Variants in IQCC observed in about 807,000 individuals in gnomAD.
The protein encoded by IQCC is IQ domain-containing protein C.
A neutral mutation model predicts 27.0 loss-of-function variants in IQCC; 23 were observed. The ratio of observed to expected loss-of-function variants is 0.85; its 90% CI spans 0.61 to 1.21. The LOEUF (loss-of-function observed/expected upper bound fraction) is 1.21. Ranked by LOEUF, IQCC falls within the 50% of genes most tolerant of loss-of-function variation. IQCC has a pLI of 0.00. For missense variants in IQCC, 552 were observed against 562.3 expected (o/e 0.98, Z 0.19); for synonymous variants, 220 against 217.2 (o/e 1.01, Z -0.11).
At position 32,206,318 on chromosome 1, in the gene IQCC, A is replaced by C. The variant is rs193091356; in HGVS notation, c.186+21A>C. On this transcript the variant is annotated intron_variant, in intron 2 of 4. Coordinates refer to ENST00000291358, the MANE Select transcript of IQCC (RefSeq NM_018134.3). Reference sequence around the variant, plus strand: ...CAGAGGTAGAACACACCTAGGAGAGAAGGGAAGGAGGGACTTGGGCAGGGT... The same window carrying C: ...CAGAGGTAGAACACACCTAGGAGAGCAGGGAAGGAGGGACTTGGGCAGGGT... 1.2e-4 allele frequency: 189 copies of C among 1,612,150 alleles called. 1 individual carries two copies. The African/African-American group carries it at 2.1e-3, about 18-fold the overall frequency.
intron 3 of IQCC, 21 bp downstream of exon 3, chr1:32,206,782 G>A (rs1643355631): frequency 6.2e-7 from 1 of 1,611,886 alleles, no homozygotes; most frequent in Non-Finnish European, 8.5e-7. Flanking sequence ...GCAAAGATCA[G>A]GGCAAGCCCC....
rs117971828 is a variant in IQCC at position 32,206,119 on chromosome 1, A to G, written c.43-35A>G. On this transcript the variant is annotated intron_variant, in intron 1 of 4. Coordinates refer to ENST00000291358, the MANE Select transcript of IQCC (RefSeq NM_018134.3). ...CCGAGATGCCCCCTCTCTTACCGTGATAAGGGACTTCTTTCCTCTCGTTCT... is the reference window on the plus strand; with the variant it reads ...CCGAGATGCCCCCTCTCTTACCGTGGTAAGGGACTTCTTTCCTCTCGTTCT... The G allele has an allele frequency of 1.4e-4, 222 of 1,613,690 alleles. 3 individuals carry two copies. The East Asian group carries it at 4.5e-3, about 33-fold the overall frequency.
In IQCC at chr1:32,207,975, A is replaced by G. The variant is rs1417192774; in HGVS notation, c.1294A>G (p.Ile432Val). The part of the protein sequence containing the change: ...SHEGQKKQRT[I>V]PWRSKSPEIL... ...TGAAGGACAGAAAAAGCAGAGGACT[A>G]TACCATGGAGATCAAAGTCACCTGA... The change falls in exon 5 of 5, where the codon ATA (isoleucine) becomes GTA (valine). Residue 432 changes from isoleucine to valine, a missense_variant. Ile to Val is a conservative substitution (Grantham distance 29). Coordinates refer to ENST00000291358, the MANE Select transcript of IQCC (RefSeq NM_018134.3). 2 of 1,614,226 alleles carry G rather than the reference A, an allele frequency of 1.2e-6. No individual in the cohort carries two copies. The highest frequency in any genetic ancestry group is 1.7e-6 in the Non-Finnish European group (2 of 1,180,034).
chr1:32,207,126 A>G lies in IQCC; in HGVS notation c.558+6A>G, dbSNP rs1395377387. On this transcript the variant is annotated splice_donor_region_variant and intron_variant, in intron 4 of 4. Coordinates refer to ENST00000291358, the MANE Select transcript of IQCC (RefSeq NM_018134.3). The stretch of plus-strand genomic sequence containing the variant: ...CCATCAATAGCCGTAAGGAGGTAAC[A>G]CTAACCTGGAACTCTTTCTGAACAT... 6.2e-6 allele frequency: 10 copies of G among 1,601,486 alleles called. No individual in the cohort carries two copies. The highest frequency in any genetic ancestry group is 3.3e-5 in the South Asian group (3 of 89,882).
At position 32,207,793 on chromosome 1, in the gene IQCC, C is replaced by T. The variant is rs148578210; in HGVS notation, c.1112C>T (p.Thr371Ile). The T allele has an allele frequency of 2.0e-5, 32 of 1,614,032 alleles. No homozygotes were observed. In the African/African-American group the frequency reaches 3.7e-4, roughly 19 times the overall value. The part of the protein sequence containing the change: ...HKEPDCRTVR[T>I]QELGLSEDHI... ...GAGCCTGACTGCCGAACAGTCAGGA[C>T]ACAAGAGTTGGGCCTCTCAGAGGAC... The change falls in exon 5 of 5, where the codon ACA (threonine) becomes ATA (isoleucine). Residue 371 changes from threonine (T) to isoleucine (I), a missense_variant. Physicochemically the swap from Thr to Ile is moderately conservative, Grantham distance 89 (BLOSUM62 -1). Coordinates refer to ENST00000291358, the MANE Select transcript of IQCC (RefSeq NM_018134.3).
chr1:32,205,878 G>C lies in IQCC; in HGVS notation c.42+155G>C. On this transcript the variant is annotated intron_variant, in intron 1 of 4. Coordinates refer to ENST00000291358, the MANE Select transcript of IQCC (RefSeq NM_018134.3). The surrounding 1 kb of genome is among the most constrained non-coding windows in gnomAD (Gnocchi z 5.6). ...GCTGTCCCCAACCGCGCTGAGGAAA[G>C]CTGGGACCCACGGACTCCCTGCCCT... 1 of 1,552,104 alleles carries C rather than the reference G, an allele frequency of 6.4e-7. No homozygotes were observed. The highest frequency in any genetic ancestry group is 8.7e-7 in the Non-Finnish European group (1 of 1,147,486).
At chr1:32,206,806 G>C (rs1254001820) in intron 3 of IQCC, 45 bp downstream of exon 3, 1 of 1,599,262 alleles carries the variant, frequency 6.3e-7, no homozygotes, top group South Asian at 1.1e-5. Context: ...CCCTCACTGT[G>C]CCTCAGCCTC....
rs1383384322 is a variant in IQCC at position 32,206,275 on chromosome 1, C to G, written c.164C>G (p.Pro55Arg). ...CTTCAGTGGACCGAGGGCCGCATTCCCAGGCCGCGATTCCTCCCAGAGGTA... is the reference window on the plus strand; with the variant it reads ...CTTCAGTGGACCGAGGGCCGCATTCGCAGGCCGCGATTCCTCCCAGAGGTA... ...GTLQWTEGRI[P>R]RPRFLPEKAK... Residue 55 changes from proline to arginine, a missense_variant, in exon 2 of 5, where the codon CCC becomes CGC. Physicochemically the swap from Pro to Arg is moderately radical, Grantham distance 103 (BLOSUM62 -2). Coordinates refer to ENST00000291358, the MANE Select transcript of IQCC (RefSeq NM_018134.3). 1.2e-6 allele frequency: 2 copies of G among 1,614,164 alleles called. No individual in the cohort carries two copies. Among genetic ancestry groups the G allele is most frequent in the South Asian group, 1.1e-5 (1 of 91,084 alleles).
In IQCC at chr1:32,207,413, G is replaced by A. The variant is rs1643393577; in HGVS notation, c.732G>A (p.Glu244=). The change falls in exon 5 of 5, where the codon GAG becomes GAA. Residue 244 remains glutamate, a synonymous_variant. Transcript: ENST00000291358. ...GGACCACTGGAGAGCTAGAACAGGAGGATGACTCCTGTCACAGGGTCAAAT... is the reference window on the plus strand; with the variant it reads ...GGACCACTGGAGAGCTAGAACAGGAAGATGACTCCTGTCACAGGGTCAAAT... ...RDRTTGELEQ[E]DDSCHRVKSP... 3.7e-6 allele frequency: 6 copies of A among 1,613,976 alleles called. No homozygotes were observed. In the East Asian group the frequency reaches 6.7e-5, roughly 18 times the overall value.
At position 32,205,736 on chromosome 1, in the gene IQCC, G is replaced by C; in HGVS notation, c.42+13G>C. 1 of 1,611,900 alleles carries C rather than the reference G, an allele frequency of 6.2e-7. No homozygotes were observed. Among genetic ancestry groups the C allele is most frequent in the Non-Finnish European group, 8.5e-7 (1 of 1,179,646 alleles). On this transcript the variant is annotated intron_variant, in intron 1 of 4. Coordinates refer to ENST00000291358, the MANE Select transcript of IQCC (RefSeq NM_018134.3). The surrounding 1 kb of genome is among the most constrained non-coding windows in gnomAD (Gnocchi z 5.6). ...GTCTGCATTGCAGGTGCGGGGGCGGGCGCGGGGTTCACAGGATTTTTCCTT... is the reference window on the plus strand; with the variant it reads ...GTCTGCATTGCAGGTGCGGGGGCGGCCGCGGGGTTCACAGGATTTTTCCTT...
At position 32,206,757 on chromosome 1, in the gene IQCC, T is replaced by G; in HGVS notation, c.435T>G (p.Asn145Lys). ...CCAGAGACACGACAAGGATGGAGAA[T>G]CCAGGTACCTCTCTGCAAAGATCAG... is the stretch of plus-strand genomic sequence containing the variant. ...EKTRDTTRME[N>K]PEATDQRLPH... is the part of the protein sequence containing the mutation. The change falls in exon 3 of 5, where the codon AAT becomes AAG. Residue 145 changes from asparagine to lysine, a missense_variant. Transcript: ENST00000291358. 2 of 1,613,898 alleles carry G rather than the reference T, an allele frequency of 1.2e-6. No individual in the cohort carries two copies. Among genetic ancestry groups the G allele is most frequent in the Non-Finnish European group, 1.7e-6 (2 of 1,179,950 alleles).
At position 32,208,244 on chromosome 1, in the gene IQCC, A is replaced by G. The variant is rs1643441689; in HGVS notation, c.*162A>G. Reference sequence around the variant, plus strand: ...AGAGAAGCTGGAGCAGAGAGCTGGCATGAGTATAGGGAAGGAGGAAGGACA... The same window carrying G: ...AGAGAAGCTGGAGCAGAGAGCTGGCGTGAGTATAGGGAAGGAGGAAGGACA... On this transcript the variant is annotated 3_prime_UTR_variant, in exon 5 of 5. Transcript: ENST00000291358. 1 of 724,794 alleles carries G rather than the reference A, an allele frequency of 1.4e-6. No individual in the cohort carries two copies. The allele number at this position is 724,794 out of a possible 1,614,324, so 44.9% of individuals were successfully genotyped here.
Position 32,206,742 on chromosome 1 carries a change from G to A in IQCC, c.420G>A (p.Thr140=), listed in dbSNP as rs192960213. The A allele has an allele frequency of 1.8e-5, 29 of 1,614,098 alleles. No individual in the cohort carries two copies. In the Admixed American group the frequency reaches 2.8e-4, roughly 16 times the overall value. ...RKPSQEKTRD[T]TRMENPEATD... is the part of the protein sequence containing the mutation. ...CCAGCCAAGAGAAGACCAGAGACAC[G>A]ACAAGGATGGAGAATCCAGGTACCT... is the stretch of plus-strand genomic sequence containing the variant. Residue 140 remains threonine, a synonymous_variant, in exon 3 of 5, where the codon ACG becomes ACA. Coordinates refer to ENST00000291358, the MANE Select transcript of IQCC (RefSeq NM_018134.3).
chr1:32,206,241 C>T lies in IQCC; in HGVS notation c.130C>T (p.Leu44=), dbSNP rs766752116. 2.5e-6 allele frequency: 4 copies of T among 1,614,192 alleles called. No homozygotes were observed. The highest frequency in any genetic ancestry group is 1.7e-5 in the Admixed American group (1 of 60,026). ...GATTGTACGAGAGGTCGAGGGCGAC[C>T]TGGGCACGCTTCAGTGGACCGAGGG... ...EAIVREVEGD[L]GTLQWTEGRI... The change falls in exon 2 of 5, where the codon CTG becomes TTG. Residue 44 remains leucine, a synonymous_variant. Transcript: ENST00000291358.
rs1342941817 is a variant in IQCC, at chr1:32,205,918, C to T, written c.42+195C>T. On this transcript the variant is annotated intron_variant, in intron 1 of 4. Coordinates refer to ENST00000291358, the MANE Select transcript of IQCC (RefSeq NM_018134.3). This position sits in a 1 kb window ranked among gnomAD's most constrained non-coding sequence, Gnocchi z 5.6. ...CTCCCTGCCCTGCGCGTCCCCACTC[C>T]CACCACACGCTCGCGCCGGATCAGG... 1 of 1,551,348 alleles carries T rather than the reference C, an allele frequency of 6.4e-7. No individual in the cohort carries two copies. The highest frequency in any genetic ancestry group is 1.4e-5 in the African/African-American group (1 of 73,024).
Position 32,205,968 on chromosome 1 carries a change from G to A in IQCC, c.43-186G>A, listed in dbSNP as rs1557521590. 3 of 1,555,554 alleles carry A rather than the reference G, an allele frequency of 1.9e-6. No individual in the cohort carries two copies. Among genetic ancestry groups the A allele is most frequent in the African/African-American group, 1.4e-5 (1 of 73,226 alleles). ...GGAAACGGGAAGAGCCTTAAGGCGA[G>A]GAGGGGCATCCAGTCTGGCATCGTC... is the stretch of plus-strand genomic sequence containing the variant. On this transcript the variant is annotated intron_variant, in intron 1 of 4. Coordinates refer to ENST00000291358, the MANE Select transcript of IQCC (RefSeq NM_018134.3). The surrounding 1 kb of genome is among the most constrained non-coding windows in gnomAD (Gnocchi z 5.6).
rs761258532 is a variant in IQCC, at chr1:32,206,581, T to G, written c.259T>G (p.Phe87Val). The change falls in exon 3 of 5, where the codon TTC (phenylalanine) becomes GTC (valine). Residue 87 changes from phenylalanine (F) to valine (V), a missense_variant. By Grantham distance (50) the Phe-to-Val change is conservative. Transcript: ENST00000291358. ...ANPEQGLWNH[F>V]PCEESEGEAT... ...TCCAGAGCAGGGGCTGTGGAACCAC[T>G]TCCCATGTGAAGAGTCTGAGGGAGA... 6.2e-7 allele frequency: 1 copy of G among 1,614,146 alleles called. No homozygotes were observed. Among genetic ancestry groups the G allele is most frequent in the East Asian group, 2.2e-5 (1 of 44,886 alleles).
chr1:32,208,135 G>T lies in IQCC; in HGVS notation c.*53G>T, dbSNP rs1643436293. 1.3e-6 allele frequency: 2 copies of T among 1,501,024 alleles called. No homozygotes were observed. The highest frequency in any genetic ancestry group is 1.4e-5 in the African/African-American group (1 of 71,178). The allele number at this position is 1,501,024 out of a possible 1,614,324, so 93.0% of individuals were successfully genotyped here. On this transcript the variant is annotated 3_prime_UTR_variant, in exon 5 of 5. Transcript: ENST00000291358. ...TTCCAAAGGGGAATGCTATGAAAGG[G>T]CAGTGAGACAAGACCTCATCCTACC... is the stretch of plus-strand genomic sequence containing the variant.
Position 32,207,912 on chromosome 1 carries a change from A to G in IQCC, c.1231A>G (p.Arg411Gly), listed in dbSNP as rs755301388. Residue 411 changes from arginine (R) to glycine (G), a missense_variant, in exon 5 of 5, where the codon AGA becomes GGA. Coordinates refer to ENST00000291358, the MANE Select transcript of IQCC (RefSeq NM_018134.3). ...KPPKGQAPTD[R>G]SSRDGTSNEP... ...ACCCAAAGGCCAGGCCCCCACTGATAGAAGCTCCAGAGATGGAACCTCCAA... is the reference window on the plus strand; with the variant it reads ...ACCCAAAGGCCAGGCCCCCACTGATGGAAGCTCCAGAGATGGAACCTCCAA... 3.7e-6 allele frequency: 6 copies of G among 1,614,200 alleles called. No homozygotes were observed. The highest frequency in any genetic ancestry group is 1.3e-5 in the African/African-American group (1 of 75,052).
Sources: gnomAD v4.1 joint callset for allele counts on GRCh38, gnomAD v4.1.1 for gene constraint, Gnocchi (gnomAD v3.1) non-coding constraint, MANE v1.5 for transcripts, NCBI Gene and HGNC (gene_info 2026-07-23, HGNC 2026-07-21) for gene names.